The following AKNAD1 variants were observed in gnomAD, a reference collection of about 807,000 sequenced individuals.
AKNAD1 encodes the protein protein AKNAD1.
A neutral mutation model predicts 90.8 loss-of-function variants in AKNAD1; 67 were observed. The observed-to-expected ratio is 0.74, with a 90% CI of 0.61 to 0.90. AKNAD1 has a LOEUF of 0.90. Ranked by LOEUF, AKNAD1 falls within the 40% of genes least tolerant of loss-of-function variation. The pLI is 0.00. For missense variants in AKNAD1, 957 were observed against 975.4 expected (o/e 0.98, Z 0.25); for synonymous variants, 327 against 341.4 (o/e 0.96, Z 0.46).
intron 11 of AKNAD1, among the ~76,000 whole-genome samples, chr1:108,826,286 C>A (rs566808341): frequency 4.6e-5 from 7 of 151,804 alleles, no homozygotes; most frequent in African/African-American, 1.7e-4. Context: ...TCCAGTGCAG[C>A]TTCCTGGTGC....
At position 108,852,531 on chromosome 1, in the gene AKNAD1, T is replaced by A. The variant is rs150592697; in HGVS notation, c.134A>T (p.Asn45Ile). ...TSKKDGLEVL[N>I]QIIFIADDPQ... ...GTCATCTGCTATGAAAATAATTTGA[T>A]TTAAGACTTCAAGGCCATCCTTTTT... Residue 45 changes from asparagine to isoleucine, a missense_variant, in exon 2 of 16, where the codon AAT (asparagine) becomes ATT (isoleucine). Asn to Ile is a moderately radical substitution (Grantham distance 149). Transcript: ENST00000370001. The A allele has an allele frequency of 7.8e-5, 126 of 1,614,200 alleles. No homozygotes were observed. The African/African-American group carries it at 1.4e-3, about 18-fold the overall frequency.
intron 13 of AKNAD1, among the ~76,000 whole-genome samples, chr1:108,821,015 A>C (rs1425828618): frequency 6.6e-6 from 1 of 152,212 alleles, no homozygotes; most frequent in East Asian, 1.9e-4. Context: ...AGAGCCCAGA[A>C]GTTCAAGGAA....
intron 12 of AKNAD1, 41 bp from the exon 13 acceptor site, chr1:108,823,518 A>C (rs1663890081): frequency 6.2e-7 from 1 of 1,610,862 alleles, no homozygotes; most frequent in Non-Finnish European, 8.5e-7. Flanking sequence ...TTGCCTGGGA[A>C]CAGTGACTGT....
In AKNAD1 at chr1:108,827,186, C is replaced by A; in HGVS notation, c.1936+19G>T. ...GGGACACTGAAAAATGAGCACCCAG[C>A]CCAAGCCCATCAACTTACTGGGAGT... On this transcript the variant is annotated intron_variant, in intron 11 of 15. Transcript: ENST00000370001. The A allele has an allele frequency of 6.3e-7, 1 of 1,594,608 alleles. No homozygotes were observed. Among genetic ancestry groups the A allele is most frequent in the Non-Finnish European group, 8.6e-7 (1 of 1,165,164 alleles).
chr1:108,831,864 T>C (rs1664209596), intron 9 of AKNAD1, among the ~76,000 whole-genome samples: 1 of 152,250 alleles, frequency 6.6e-6, no homozygotes, highest in South Asian at 2.1e-4. Flanking sequence ...GACCTCATGA[T>C]TCGCCCACCT....
chr1:108,849,789 G>A (rs1427892421), intron 2 of AKNAD1, among the ~76,000 whole-genome samples: 1 of 152,132 alleles, frequency 6.6e-6, no homozygotes, highest in Non-Finnish European at 1.5e-5. Context: ...CAATTCTTTG[G>A]CAGGAAAATG....
At chr1:108,844,892 C>T (rs1468834359) in intron 5 of AKNAD1, among the ~76,000 whole-genome samples, 1 of 151,360 alleles carries the variant, frequency 6.6e-6, no homozygotes, top group Non-Finnish European at 1.5e-5. Flanking sequence ...GATTTCAGCT[C>T]ACTGTAACTT....
At chr1:108,820,661 TC>T (rs1433013289) in intron 13 of AKNAD1, 35 bp from the exon 14 acceptor site, 1 of 1,344,596 alleles carries the variant, frequency 7.4e-7, no homozygotes, top group African/African-American at 1.4e-5. Context: ...ATTCAGAGTA[TC>T]AAAAATGAGC....
At chr1:108,833,290 T>C (rs567284855) in intron 9 of AKNAD1, among the ~76,000 whole-genome samples, 1 of 152,188 alleles carries the variant, frequency 6.6e-6, no homozygotes, top group South Asian at 2.1e-4. Context: ...TACACTAAAA[T>C]ATTAGCAATG....
intron 11 of AKNAD1, among the ~76,000 whole-genome samples, chr1:108,824,611 G>C (rs545604049): frequency 1.3e-5 from 2 of 151,750 alleles, no homozygotes; most frequent in South Asian, 4.2e-4. Context: ...ATTCTTTAAC[G>C]TGCTATTTTT....
In AKNAD1 at chr1:108,823,652, C is replaced by G. The variant is rs1663896297; in HGVS notation, c.1973G>C (p.Gly658Ala). The G allele has an allele frequency of 6.2e-7, 1 of 1,613,914 alleles. No homozygotes were observed. The highest frequency in any genetic ancestry group is 1.3e-5 in the African/African-American group (1 of 74,882). ...ACATTTGTTACTCTGCATTTCAGTG[C>G]CAGAATCAGAACAGAAGCTGTGTCC... ...DTGHSFCSDS[G>A]TEMQSNKCQD... Residue 658 changes from glycine to alanine, a missense_variant, in exon 12 of 16, where the codon GGC becomes GCC. Coordinates refer to ENST00000370001, the MANE Select transcript of AKNAD1 (RefSeq NM_152763.5).
At chr1:108,853,401 G>A (rs1664931552) in intron 1 of AKNAD1, among the ~76,000 whole-genome samples, 1 of 151,544 alleles carries the variant, frequency 6.6e-6, no homozygotes, top group Admixed American at 6.6e-5. Context: ...AAAGTGCTGG[G>A]ATTACAGGCG....
intron 13 of AKNAD1, chr1:108,822,965 A>C: frequency 1.9e-6 from 1 of 534,412 alleles, no homozygotes; most frequent in Non-Finnish European, 3.3e-6. Context: ...ATGTCTATGG[A>C]GTGTAAAAAT....
intron 10 of AKNAD1, 102 bp downstream of exon 10, chr1:108,830,457 T>G: frequency 9.2e-7 from 1 of 1,085,630 alleles, no homozygotes; most frequent in Non-Finnish European, 1.4e-6. Flanking sequence ...ACTCTATAAC[T>G]CAGCCAGTGG....
rs1664889573 is a variant in AKNAD1, at chr1:108,852,245, G to T, written c.420C>A (p.Asp140Glu). 1.7e-5 allele frequency: 28 copies of T among 1,613,732 alleles called. No individual in the cohort carries two copies. The highest frequency in any genetic ancestry group is 2.4e-5 in the Non-Finnish European group (28 of 1,179,868). ...CETLPEISNADSFEEEAIIKS... is the reference protein window; with the variant it reads ...CETLPEISNAESFEEEAIIKS... ...TAATAATAGCTTCCTCTTCAAAACT[G>T]TCGGCATTTGAGATCTCTGGGAGGG... The change falls in exon 2 of 16, where the codon GAC (aspartate) becomes GAA (glutamate). Residue 140 changes from aspartate (D) to glutamate (E), a missense_variant. Physicochemically the swap from Asp to Glu is conservative, Grantham distance 45 (BLOSUM62 2). Transcript: ENST00000370001.
chr1:108,850,106 G>A lies in AKNAD1; in HGVS notation c.994-530C>T, dbSNP rs72982762. 2.8e-3 allele frequency among the ~76,000 whole-genome samples: 421 copies of A among 152,286 alleles called. 4 individuals carry two copies. Among genetic ancestry groups the A allele is most frequent in the African/African-American group, 9.8e-3 (408 of 41,576 alleles). ...CATTAAGTTCCAAACTGTGTGTCAAGATAGTGATGGTTTTCTACTCACCAC... is the reference window on the plus strand; with the variant it reads ...CATTAAGTTCCAAACTGTGTGTCAAAATAGTGATGGTTTTCTACTCACCAC... On this transcript the variant is annotated intron_variant, in intron 2 of 15. Transcript: ENST00000370001.
intron 5 of AKNAD1, among the ~76,000 whole-genome samples, 178 bp from the exon 6 acceptor site, chr1:108,843,445 G>C (rs1459664560): frequency 1.3e-5 from 2 of 152,090 alleles, no homozygotes; most frequent in South Asian, 4.1e-4. Flanking sequence ...ACAACCCAAG[G>C]GTCATCTCAA....
In AKNAD1 at chr1:108,837,683, T is replaced by G. The variant is rs376095416; in HGVS notation, c.1403A>C (p.Lys468Thr). The G allele has an allele frequency of 9.3e-6, 15 of 1,614,192 alleles. No individual in the cohort carries two copies. Among genetic ancestry groups the G allele is most frequent in the Non-Finnish European group, 1.3e-5 (15 of 1,180,018 alleles). Residue 468 changes from lysine (K) to threonine (T), a missense_variant, in exon 7 of 16, where the codon AAA becomes ACA. Lys to Thr is a moderately conservative substitution (Grantham distance 78, BLOSUM62 -1). Coordinates refer to ENST00000370001, the MANE Select transcript of AKNAD1 (RefSeq NM_152763.5). ...AACATCTTCAAGCAGCATCTCCAATTTGAAGATTTCACCTTCCACTTTTCT... is the reference window on the plus strand; with the variant it reads ...AACATCTTCAAGCAGCATCTCCAATGTGAAGATTTCACCTTCCACTTTTCT... ...PERKVEGEIF[K>T]LEMLLEDVKE...
At chr1:108,828,464 C>T (rs948839600) in intron 10 of AKNAD1, among the ~76,000 whole-genome samples, 1 of 151,682 alleles carries the variant, frequency 6.6e-6, no homozygotes. Context: ...ACAGTCATAG[C>T]CCCCAGGGAA....
Sources: allele counts gnomAD v4.1 joint callset (sites outside exome capture counted in the v4.1 genomes callset), GRCh38; gene constraint gnomAD v4.1.1; transcripts MANE v1.5; gene names NCBI Gene and HGNC (gene_info 2026-07-23, HGNC 2026-07-21).